Variants in PTGER4 observed in about 807,000 individuals in gnomAD.
PTGER4 encodes the protein prostaglandin E receptor 4.
A neutral mutation model predicts 33.2 loss-of-function variants in PTGER4; 11 were observed. The observed-to-expected ratio is 0.33, with a 90% CI of 0.21 to 0.55. PTGER4 has a LOEUF of 0.55. Among genes scored for constraint, PTGER4 ranks in the 20% least tolerant of loss-of-function variants. The pLI is 0.92. For synonymous variants in PTGER4, 275 were observed against 281.5 expected (o/e 0.98, Z 0.23); for missense variants, 481 against 650.2 (o/e 0.74, Z 2.83).
Position 40,692,321 on chromosome 5 carries a change from C to T in PTGER4, c.1410C>T (p.Ser470=). The T allele has an allele frequency of 6.2e-7, 1 of 1,611,000 alleles. No individual in the cohort carries two copies. Among genetic ancestry groups the T allele is most frequent in the Non-Finnish European group, 8.5e-7 (1 of 1,178,532 alleles). The stretch of plus-strand genomic sequence containing the variant: ...GGGCTGGGCCTGCCCCTAAGGGGAG[C>T]TCCCTGCAAGTCACATTTCCCAGTG... The part of the protein sequence containing the change: ...SGRAGPAPKG[S]SLQVTFPSET... The change falls in exon 3 of 3, where the codon AGC becomes AGT. Residue 470 remains serine (S), a synonymous_variant. Transcript: ENST00000302472.
At chr5:40,717,046 CA>C in the PTGER4 span, among the ~76,000 whole-genome samples, 7 of 151,740 alleles carry the variant, frequency 4.6e-5, no homozygotes, top group Non-Finnish European at 7.4e-5. Flanking sequence ...CTGGCCAACA[CA>C]GTGAAACCCT....
the PTGER4 span, chr5:40,714,818 A>C: frequency 6.6e-6 from 1 of 152,270 alleles, no homozygotes; most frequent in Non-Finnish European, 1.5e-5. Context: ...AAGCTCCAAC[A>C]GTAGTAAGAT....
chr5:40,696,222 A>G (rs553507130), downstream of PTGER4, among the ~76,000 whole-genome samples: 1 of 152,310 alleles, frequency 6.6e-6, no homozygotes, highest in South Asian at 2.1e-4. Context: ...GCACAGTAAT[A>G]TTTACTGTTA....
At chr5:40,730,490 C>T in the PTGER4 span, 2 of 558,694 alleles carry the variant, frequency 3.6e-6, no homozygotes, top group East Asian at 2.9e-5. Context: ...GCATTAAGTA[C>T]ATATAGTTCA....
chr5:40,696,620 C>T (rs1057365057), downstream of PTGER4: 4 of 936,668 alleles, frequency 4.3e-6, no homozygotes, highest in African/African-American at 7.1e-5. Flanking sequence ...CTCTACCATT[C>T]AATCATTTAT....
chr5:40,743,823 C>G, the PTGER4 span, among the ~76,000 whole-genome samples: 2 of 152,286 alleles, frequency 1.3e-5, no homozygotes, highest in African/African-American at 4.8e-5. Context: ...ATATACATTA[C>G]TCAAAAATAA....
chr5:40,709,473 C>T, the PTGER4 span, among the ~76,000 whole-genome samples: 1 of 152,284 alleles, frequency 6.6e-6, no homozygotes, highest in East Asian at 1.9e-4. Flanking sequence ...ATCTAACTTA[C>T]AAGGGATGTG....
At position 40,681,382 on chromosome 5, in the gene PTGER4, A is replaced by T. The variant is rs928338402; in HGVS notation, c.389A>T (p.Tyr130Phe). 1 of 1,614,074 alleles carries T rather than the reference A, an allele frequency of 6.2e-7. No individual in the cohort carries two copies. The highest frequency in any genetic ancestry group is 1.1e-5 in the South Asian group (1 of 91,080). The change falls in exon 2 of 3, where the codon TAC (tyrosine) becomes TTC (phenylalanine). Residue 130 changes from tyrosine (Y) to phenylalanine (F), a missense_variant. By Grantham distance (22) the Tyr-to-Phe change is conservative. Around this residue, in one of 7 missense-constraint regions of PTGER4, gnomAD observed 43 missense variants for 39.4 expected, o/e 1.09. Transcript: ENST00000302472. This position sits in a 1 kb window ranked among gnomAD's most constrained non-coding sequence, Gnocchi z 9.8. ...AINHAYFYSH[Y>F]VDKRLAGLTL... ...AACCATGCCTATTTCTACAGCCACTACGTGGACAAGCGATTGGCGGGCCTC... is the reference window on the plus strand; with the variant it reads ...AACCATGCCTATTTCTACAGCCACTTCGTGGACAAGCGATTGGCGGGCCTC...
chr5:40,741,658 G>A, the PTGER4 span, among the ~76,000 whole-genome samples: 2 of 152,094 alleles, frequency 1.3e-5, no homozygotes, highest in Admixed American at 1.3e-4. Flanking sequence ...TTCCTCTTCT[G>A]TGTGCCCATT....
At chr5:40,743,457 T>C in the PTGER4 span, among the ~76,000 whole-genome samples, 1 of 152,160 alleles carries the variant, frequency 6.6e-6, no homozygotes, top group African/African-American at 2.4e-5. Flanking sequence ...TATATTACTT[T>C]CAATCAAGTT....
chr5:40,745,483 A>G, the PTGER4 span, among the ~76,000 whole-genome samples: 1 of 151,974 alleles, frequency 6.6e-6, no homozygotes, highest in African/African-American at 2.4e-5. Context: ...GCAAATATTA[A>G]GAATTGTTGA....
the PTGER4 span, among the ~76,000 whole-genome samples, chr5:40,727,893 T>A: frequency 6.6e-6 from 1 of 152,166 alleles, no homozygotes; most frequent in Non-Finnish European, 1.5e-5. Flanking sequence ...GTGAACTGTG[T>A]TTATGGATTA....
chr5:40,716,381 T>A, the PTGER4 span: 2 of 1,614,130 alleles, frequency 1.2e-6, no homozygotes, highest in Non-Finnish European at 1.7e-6. Flanking sequence ...TCACTTTTTT[T>A]AATCCTCTGT....
chr5:40,722,563 G>A, the PTGER4 span, among the ~76,000 whole-genome samples: 2 of 151,080 alleles, frequency 1.3e-5, no homozygotes, highest in Admixed American at 6.6e-5. Flanking sequence ...CCGCGACCCC[G>A]TCTGGGAACT....
the PTGER4 span, among the ~76,000 whole-genome samples, chr5:40,728,677 G>C: frequency 4.2e-3 from 632 of 152,108 alleles, 3 homozygotes; most frequent in African/African-American, 0.015. Context: ...AAATGTAAAC[G>C]ATTCCCTTTC....
chr5:40,718,916 A>G, the PTGER4 span, among the ~76,000 whole-genome samples: 1 of 152,130 alleles, frequency 6.6e-6, no homozygotes, highest in Non-Finnish European at 1.5e-5. Context: ...ATAAATAAAT[A>G]AAAATTAAAA....
chr5:40,725,611 G>A, the PTGER4 span, among the ~76,000 whole-genome samples: 66 of 152,182 alleles, frequency 4.3e-4, no homozygotes, highest in East Asian at 0.012. Context: ...TGAGAACCCT[G>A]GAAAGCCAAC....
At chr5:40,706,831 T>C in the PTGER4 span, among the ~76,000 whole-genome samples, 3 of 152,166 alleles carry the variant, frequency 2.0e-5, no homozygotes, top group African/African-American at 7.2e-5. Flanking sequence ...AGCTGATCTC[T>C]CGGCAGAAAC....
chr5:40,706,833 G>C, the PTGER4 span, among the ~76,000 whole-genome samples: 1 of 152,064 alleles, frequency 6.6e-6, no homozygotes, highest in Non-Finnish European at 1.5e-5. Context: ...CTGATCTCTC[G>C]GCAGAAACTC....
Sources: gnomAD v4.1 joint callset for allele counts (sites outside exome capture counted in the v4.1 genomes callset) on GRCh38, gnomAD v4.1.1 for gene constraint, gnomAD v4.1.1 regional missense constraint, Gnocchi (gnomAD v3.1) non-coding constraint, MANE v1.5 for transcripts, NCBI Gene and HGNC (gene_info 2026-07-23, HGNC 2026-07-21) for gene names.